GRXCR1: variants seen among roughly 807,000 people sequenced by gnomAD.
GRXCR1 encodes glutaredoxin and cysteine rich domain containing 1, also known as glutaredoxin domain-containing cysteine-rich protein 1.
GRXCR1 carries 27 observed loss-of-function variants against 27.3 expected under a neutral mutation model. The observed-to-expected ratio is 0.99, with a 90% CI of 0.73 to 1.37. The LOEUF (loss-of-function observed/expected upper bound fraction) is 1.37. GRXCR1 is among the 40% of genes most tolerant of loss of function. The pLI is 0.00. For missense variants in GRXCR1, 379 were observed against 354.4 expected, an observed-to-expected ratio of 1.07 and a Z score of -0.56; for synonymous variants, 122 against 131.1, an observed-to-expected ratio of 0.93 and a Z score of 0.47.
intron 1 of GRXCR1, among the ~76,000 whole-genome samples, chr4:42,895,279 C>T (rs1306501730): frequency 6.6e-6 from 1 of 152,066 alleles, no homozygotes; most frequent in Non-Finnish European, 1.5e-5. Context: ...AGCAATAAAA[C>T]TGCCTTTTTC....
chr4:42,969,055 C>G (rs1020467948), intron 2 of GRXCR1, among the ~76,000 whole-genome samples: 8 of 152,054 alleles, frequency 5.3e-5, no homozygotes, highest in African/African-American at 1.9e-4. Flanking sequence ...TCCCTAGTAT[C>G]TACTCTGTTA....
chr4:43,015,285 C>T (rs1712896792), intron 2 of GRXCR1, among the ~76,000 whole-genome samples: 1 of 151,996 alleles, frequency 6.6e-6, no homozygotes, highest in Non-Finnish European at 1.5e-5. Flanking sequence ...AGAAGATACT[C>T]TAACAAGTAG....
chr4:43,023,914 G>A (rs1371027950), intron 3 of GRXCR1, among the ~76,000 whole-genome samples: 1 of 152,144 alleles, frequency 6.6e-6, no homozygotes, highest in Non-Finnish European at 1.5e-5. Flanking sequence ...ATTTATTTAT[G>A]TTAATAAATA....
chr4:42,929,110 A>G (rs1430750698), intron 1 of GRXCR1, among the ~76,000 whole-genome samples: 1 of 152,030 alleles, frequency 6.6e-6, no homozygotes, highest in Non-Finnish European at 1.5e-5. Flanking sequence ...TGGGTTCTGG[A>G]TATAATTTCT....
intron 2 of GRXCR1, among the ~76,000 whole-genome samples, chr4:42,967,580 G>A (rs1318038772): frequency 1.3e-5 from 2 of 151,966 alleles, no homozygotes; most frequent in Non-Finnish European, 2.9e-5. Flanking sequence ...AGTTCTAGTT[G>A]ATTTCAATTG....
intron 1 of GRXCR1, among the ~76,000 whole-genome samples, chr4:42,940,686 G>T (rs1241300364): frequency 6.6e-6 from 1 of 151,940 alleles, no homozygotes; most frequent in East Asian, 1.9e-4. Context: ...GCCTATATTA[G>T]CTTTAAAATG....
chr4:42,928,677 G>A (rs906936185), intron 1 of GRXCR1, among the ~76,000 whole-genome samples: 5 of 152,002 alleles, frequency 3.3e-5, no homozygotes, highest in Admixed American at 1.3e-4. Flanking sequence ...GCAGAAGATA[G>A]GAGCAAGGGG....
chr4:42,960,549 T>C (rs544697165), intron 1 of GRXCR1, among the ~76,000 whole-genome samples: 5 of 152,106 alleles, frequency 3.3e-5, no homozygotes, highest in South Asian at 2.1e-4. Flanking sequence ...GACTTATATT[T>C]GTTTTTTTAA....
chr4:42,962,066 G>T (rs1223280997), intron 1 of GRXCR1, among the ~76,000 whole-genome samples: 4 of 151,948 alleles, frequency 2.6e-5, no homozygotes, highest in Admixed American at 1.3e-4. Context: ...TACCTACCTG[G>T]TATGGCTCTT....
chr4:42,977,750 C>T (rs1423056071), intron 2 of GRXCR1, among the ~76,000 whole-genome samples: 1 of 151,992 alleles, frequency 6.6e-6, no homozygotes, highest in Non-Finnish European at 1.5e-5. Flanking sequence ...TCCCATTCAA[C>T]AGGTTGTCCC....
intron 1 of GRXCR1, among the ~76,000 whole-genome samples, chr4:42,913,712 G>A (rs539595647): frequency 1.0e-3 from 157 of 152,272 alleles, no homozygotes; most frequent in Non-Finnish European, 1.6e-3. Context: ...AATATCACCA[G>A]GTCATGTCAG....
At chr4:42,906,917 G>A (rs1337177512) in intron 1 of GRXCR1, among the ~76,000 whole-genome samples, 1 of 152,188 alleles carries the variant, frequency 6.6e-6, no homozygotes. Flanking sequence ...GATCTGCCAT[G>A]TGAAATTCTT....
chr4:42,913,040 A>G (rs1376010188), intron 1 of GRXCR1, among the ~76,000 whole-genome samples: 1 of 152,144 alleles, frequency 6.6e-6, no homozygotes, highest in East Asian at 1.9e-4. Context: ...CCACGATTGT[A>G]AGTTTCCTGA....
intron 2 of GRXCR1, among the ~76,000 whole-genome samples, chr4:42,968,242 A>G (rs1347836314): frequency 6.6e-6 from 1 of 152,120 alleles, no homozygotes; most frequent in Non-Finnish European, 1.5e-5. Context: ...GGGTAGCCAT[A>G]GAGCTCATCA....
chr4:42,980,873 T>C (rs1427488863), intron 2 of GRXCR1, among the ~76,000 whole-genome samples: 1 of 152,026 alleles, frequency 6.6e-6, no homozygotes, highest in Non-Finnish European at 1.5e-5. Context: ...CAAAAATCTT[T>C]CAATATTTCT....
intron 1 of GRXCR1, among the ~76,000 whole-genome samples, chr4:42,923,230 C>A (rs1444781867): frequency 6.6e-6 from 1 of 152,096 alleles, no homozygotes; most frequent in Non-Finnish European, 1.5e-5. Flanking sequence ...TCCTCTGTCC[C>A]CCTTACCTTC....
At chr4:43,006,848 C>T (rs549425878) in intron 2 of GRXCR1, among the ~76,000 whole-genome samples, 11 of 152,232 alleles carry the variant, frequency 7.2e-5, no homozygotes, top group South Asian at 2.1e-4. Flanking sequence ...CATCACGGAA[C>T]GTACTGACAT....
intron 2 of GRXCR1, among the ~76,000 whole-genome samples, chr4:42,968,364 T>C (rs551145978): frequency 6.6e-6 from 1 of 152,284 alleles, no homozygotes; most frequent in Non-Finnish European, 1.5e-5. Context: ...ATTGGTCTAC[T>C]TTCTGGCAAA....
intron 1 of GRXCR1, among the ~76,000 whole-genome samples, chr4:42,935,393 A>G (rs867315263): frequency 6.6e-6 from 1 of 151,934 alleles, no homozygotes; most frequent in Admixed American, 6.6e-5. Context: ...TGGTAAAGTT[A>G]GTATTACAGA....
Sources: allele counts gnomAD v4.1 joint callset (sites outside exome capture counted in the v4.1 genomes callset), GRCh38; gene constraint gnomAD v4.1.1; transcripts MANE v1.5; gene names NCBI Gene and HGNC (gene_info 2026-07-23, HGNC 2026-07-21).